SLC25A13: variants seen among roughly 807,000 people sequenced by gnomAD.
The protein encoded by SLC25A13 is electrogenic aspartate/glutamate antiporter SLC25A13, mitochondrial.
In SLC25A13, 70 loss-of-function variants were observed where a neutral mutation model predicts 85.5. That is an observed-to-expected ratio of 0.82 (90% CI 0.68 to 1.00). The LOEUF is 1.00. SLC25A13 is among the 50% of genes least tolerant of loss of function. The pLI is 0.00. For synonymous variants in SLC25A13, 259 were observed against 288.7 expected (o/e 0.90, Z 1.04); for missense variants, 765 against 819.8 (o/e 0.93, Z 0.82).
intron 1 of SLC25A13, among the ~76,000 whole-genome samples, chr7:96,305,737 C>T (rs1020380927): frequency 4.6e-5 from 7 of 152,160 alleles, no homozygotes; most frequent in South Asian, 2.1e-4. Flanking sequence ...AAGTTAAACA[C>T]TTCTGAGAGA....
Position 96,277,284 on chromosome 7 carries a change from T to C in SLC25A13, c.124A>G (p.Thr42Ala). 29 of 1,612,932 alleles carry C rather than the reference T, an allele frequency of 1.8e-5. No homozygotes were observed. Among genetic ancestry groups the C allele is most frequent in the Non-Finnish European group, 2.4e-5 (28 of 1,179,458 alleles). The change falls in exon 3 of 18, where the codon ACT becomes GCT. Residue 42 changes from threonine (T) to alanine (A), a missense_variant. Coordinates refer to ENST00000265631, the MANE Select transcript of SLC25A13 (RefSeq NM_014251.3). ...TCTCCAAAAATGTTCAAGTATCGAG[T>C]GACAAAGTCATTGGGGGACATGAAA... Reference protein sequence around the residue: ...EFFMSPNDFVTRYLNIFGESQ... With the variant: ...EFFMSPNDFVARYLNIFGESQ...
At chr7:96,236,749 C>T (rs1796757870) in intron 3 of SLC25A13, among the ~76,000 whole-genome samples, 1 of 152,188 alleles carries the variant, frequency 6.6e-6, no homozygotes, top group South Asian at 2.1e-4. Flanking sequence ...GATGGTGAAA[C>T]CATGCCCCAC....
chr7:96,240,105 G>T (rs1014383038), intron 3 of SLC25A13, among the ~76,000 whole-genome samples: 2 of 152,164 alleles, frequency 1.3e-5, no homozygotes, highest in Non-Finnish European at 2.9e-5. Context: ...CTTTGCAAGG[G>T]ATAGCACTTA....
At chr7:96,249,700 A>G (rs1465892376) in intron 3 of SLC25A13, among the ~76,000 whole-genome samples, 5 of 152,176 alleles carry the variant, frequency 3.3e-5, no homozygotes, top group African/African-American at 1.2e-4. Flanking sequence ...AGTAATTGTA[A>G]AAGATCATCA....
intron 1 of SLC25A13, among the ~76,000 whole-genome samples, chr7:96,317,833 G>A (rs1366184345): frequency 5.7e-5 from 8 of 141,048 alleles, no homozygotes; most frequent in Non-Finnish European, 7.6e-5. Flanking sequence ...ACAGGATCTC[G>A]TTCTGTAACC....
intron 4 of SLC25A13, among the ~76,000 whole-genome samples, chr7:96,220,666 T>C (rs1796090242): frequency 6.6e-6 from 1 of 152,208 alleles, no homozygotes; most frequent in African/African-American, 2.4e-5. Flanking sequence ...CAAATTTTCC[T>C]AGGACTCTAA....
In SLC25A13 at chr7:96,277,298, G is replaced by C. The variant is rs755544504; in HGVS notation, c.110C>G (p.Pro37Arg). ...CAAGTATCGAGTGACAAAGTCATTGGGGGACATGAAAAATTCACCGTTTTT... is the reference window on the plus strand; with the variant it reads ...CAAGTATCGAGTGACAAAGTCATTGCGGGACATGAAAAATTCACCGTTTTT... ...IEKNGEFFMS[P>R]NDFVTRYLNI... Residue 37 changes from proline to arginine, a missense_variant, in exon 3 of 18, where the codon CCC becomes CGC. Pro to Arg is a moderately radical substitution (Grantham distance 103). Transcript: ENST00000265631. The C allele has an allele frequency of 2.0e-5, 33 of 1,612,894 alleles. No individual in the cohort carries two copies. The highest frequency in any genetic ancestry group is 2.5e-5 in the Non-Finnish European group (30 of 1,179,554).
rs187145910 is a variant in SLC25A13 at position 96,250,183 on chromosome 7, T to C, written c.213-15266A>G. Among the ~76,000 whole-genome samples, 4 of 151,976 alleles carry C rather than the reference T, an allele frequency of 2.6e-5. No individual in the cohort carries two copies. The East Asian group carries it at 7.7e-4, about 29-fold the overall frequency. On this transcript the variant is annotated intron_variant, in intron 3 of 17. Transcript: ENST00000265631. ...GCCTGGGTGATAAAGTGAGACTCTGTCTCAAAAAAAGAAAAAAAACTCTAG... is the reference window on the plus strand; with the variant it reads ...GCCTGGGTGATAAAGTGAGACTCTGCCTCAAAAAAAGAAAAAAAACTCTAG...
In SLC25A13 at chr7:96,185,656, C is replaced by T. The variant is rs559907154; in HGVS notation, c.934-645G>A. On this transcript the variant is annotated intron_variant, in intron 9 of 17. Transcript: ENST00000265631. ...CTGTAATCCCAGCACTTCAGGAGGC[C>T]GAGGTGGGTGGATCATGAGGTCAGG... 9.9e-5 allele frequency among the ~76,000 whole-genome samples: 15 copies of T among 151,444 alleles called. 1 individual carries two copies. The highest frequency in any genetic ancestry group is 3.2e-4 in the African/African-American group (13 of 41,224).
chr7:96,164,036 G>A (rs1414583401), intron 13 of SLC25A13, among the ~76,000 whole-genome samples: 1 of 152,128 alleles, frequency 6.6e-6, no homozygotes, highest in Non-Finnish European at 1.5e-5. Flanking sequence ...GGTAACTGTG[G>A]TGCATTAAAG....
intron 1 of SLC25A13, among the ~76,000 whole-genome samples, chr7:96,304,880 A>C (rs1323516370): frequency 6.6e-6 from 1 of 152,244 alleles, no homozygotes; most frequent in Admixed American, 6.5e-5. Flanking sequence ...GTTGGTACAA[A>C]ATGTATGATG....
At chr7:96,296,664 A>G (rs1799362357) in intron 2 of SLC25A13, among the ~76,000 whole-genome samples, 1 of 152,046 alleles carries the variant, frequency 6.6e-6, no homozygotes. Context: ...TACTTTCAGT[A>G]AAGATGGGGT....
intron 1 of SLC25A13, among the ~76,000 whole-genome samples, chr7:96,301,157 C>T (rs1215363232): frequency 6.6e-6 from 1 of 152,196 alleles, no homozygotes; most frequent in African/African-American, 2.4e-5. Flanking sequence ...AACAGCTGTC[C>T]AGCATGCATA....
At chr7:96,179,071 C>A (rs894498375) in intron 11 of SLC25A13, among the ~76,000 whole-genome samples, 1 of 152,136 alleles carries the variant, frequency 6.6e-6, no homozygotes, top group Admixed American at 6.5e-5. Context: ...CTTTGGGAGA[C>A]AAAGTGTTAA....
At chr7:96,183,049 G>A (rs895654048) in intron 11 of SLC25A13, among the ~76,000 whole-genome samples, 2 of 152,144 alleles carry the variant, frequency 1.3e-5, no homozygotes, top group Non-Finnish European at 2.9e-5. Flanking sequence ...GTTGCCATCA[G>A]GGAAGAAAAG....
chr7:96,273,400 A>G (rs116732236), intron 3 of SLC25A13, among the ~76,000 whole-genome samples: 293 of 152,330 alleles, frequency 1.9e-3, no homozygotes, highest in African/African-American at 6.7e-3. Flanking sequence ...CTGCAAATAT[A>G]CTTGAAAGTT....
chr7:96,173,331 GA>G (rs1325008109), intron 11 of SLC25A13, among the ~76,000 whole-genome samples: 4 of 152,182 alleles, frequency 2.6e-5, no homozygotes, highest in African/African-American at 9.7e-5. Flanking sequence ...CCACTCTACA[GA>G]GAGGAAACCA....
intron 11 of SLC25A13, among the ~76,000 whole-genome samples, chr7:96,172,226 A>G (rs1794033074): frequency 6.6e-6 from 1 of 152,134 alleles, no homozygotes; most frequent in African/African-American, 2.4e-5. Flanking sequence ...TTTATTGAGT[A>G]ACAAAAAGTT....
chr7:96,190,282 G>T (rs1218422608), intron 7 of SLC25A13, among the ~76,000 whole-genome samples: 1 of 151,724 alleles, frequency 6.6e-6, no homozygotes. Flanking sequence ...TAGTAGAGAC[G>T]GGGTTTCACC....
Sources: gnomAD v4.1 joint callset for allele counts (sites outside exome capture counted in the v4.1 genomes callset) on GRCh38, gnomAD v4.1.1 for gene constraint, MANE v1.5 for transcripts, NCBI Gene and HGNC (gene_info 2026-07-23, HGNC 2026-07-21) for gene names.